The following SLC4A4 variants were observed in gnomAD, a reference collection of about 807,000 sequenced individuals.
SLC4A4 encodes solute carrier family 4 member 4.
In SLC4A4, 27 loss-of-function variants were observed where a neutral mutation model predicts 111.5. The ratio of observed to expected loss-of-function variants is 0.24; its 90% CI spans 0.18 to 0.33. The LOEUF (loss-of-function observed/expected upper bound fraction) is 0.33, where lower values mean the gene tolerates loss of function less well. Among genes scored for constraint, SLC4A4 ranks in the 10% least tolerant of loss-of-function variants. SLC4A4 has a pLI of 1.00. For synonymous variants in SLC4A4, 443 were observed against 463.4 expected (o/e 0.96, Z 0.57); for missense variants, 909 against 1,315.5 (o/e 0.69, Z 4.78).
At chr4:71,143,730 T>A (rs1405736931) in intron 2 of SLC4A4, among the ~76,000 whole-genome samples, 1 of 152,264 alleles carries the variant, frequency 6.6e-6, no homozygotes, top group Admixed American at 6.5e-5. Context: ...GTCTTTTGGC[T>A]GCATAAATGT....
At chr4:71,481,655 C>T (rs140417651) in intron 14 of SLC4A4, among the ~76,000 whole-genome samples, 267 of 151,810 alleles carry the variant, frequency 1.8e-3, no homozygotes, top group African/African-American at 6.2e-3. Flanking sequence ...TCAAGGTCAT[C>T]GCCAAGGTCT....
At chr4:71,378,092 C>T (rs1469617885) in intron 6 of SLC4A4, among the ~76,000 whole-genome samples, 1 of 152,068 alleles carries the variant, frequency 6.6e-6, no homozygotes, top group Admixed American at 6.6e-5. Context: ...ATTACCTCCC[C>T]CTGGGTACCT....
intron 8 of SLC4A4, among the ~76,000 whole-genome samples, chr4:71,443,020 T>C (rs1438711181): frequency 6.7e-6 from 1 of 150,054 alleles, no homozygotes; most frequent in Non-Finnish European, 1.5e-5. Flanking sequence ...ATGTTTATGA[T>C]TTTCCTAGTA....
At chr4:71,419,907 A>T (rs1430435613) in intron 7 of SLC4A4, among the ~76,000 whole-genome samples, 1 of 152,184 alleles carries the variant, frequency 6.6e-6, no homozygotes, top group Non-Finnish European at 1.5e-5. Flanking sequence ...GAGCAGAAAA[A>T]CTAGAACTCT....
At chr4:71,521,316 C>G (rs1732910887) in intron 16 of SLC4A4, among the ~76,000 whole-genome samples, 2 of 152,128 alleles carry the variant, frequency 1.3e-5, no homozygotes, top group South Asian at 4.1e-4. Context: ...ACTGCAGCCT[C>G]AACCACCTGG....
At chr4:71,371,670 A>G (rs1034566121) in intron 6 of SLC4A4, among the ~76,000 whole-genome samples, 3 of 151,696 alleles carry the variant, frequency 2.0e-5, no homozygotes, top group Non-Finnish European at 2.9e-5. Flanking sequence ...CATAACTCCT[A>G]TTTTCTGTGC....
At chr4:71,565,306 G>T (rs1737369505) in intron 24 of SLC4A4, among the ~76,000 whole-genome samples, 1 of 151,850 alleles carries the variant, frequency 6.6e-6, no homozygotes, top group Non-Finnish European at 1.5e-5. Flanking sequence ...TCCTCACTGA[G>T]AGATGTGATC....
intron 5 of SLC4A4, among the ~76,000 whole-genome samples, chr4:71,350,551 G>A (rs1018290838): frequency 2.0e-5 from 3 of 151,948 alleles, no homozygotes; most frequent in African/African-American, 7.3e-5. Flanking sequence ...ATGTACTTCA[G>A]ATGCATGAAA....
intron 2 of SLC4A4, among the ~76,000 whole-genome samples, chr4:71,240,230 A>T (rs1490777161): frequency 6.6e-6 from 1 of 152,214 alleles, no homozygotes; most frequent in African/African-American, 2.4e-5. Context: ...TCTGTATGAT[A>T]TAAACAGATT....
At chr4:71,555,267 C>T in intron 21 of SLC4A4, 59 bp downstream of exon 21, 1 of 1,097,320 alleles carries the variant, frequency 9.1e-7, no homozygotes, top group East Asian at 2.4e-5. Context: ...AAGAATAGTC[C>T]AGTAACAGAT....
In SLC4A4 at chr4:71,325,518, T is replaced by C. The variant is rs77440274; in HGVS notation, c.254-13852T>C. On this transcript the variant is annotated intron_variant, in intron 3 of 25. Transcript: ENST00000264485. ...CCTTGCTTCTGAGTTATTACATGTT[T>C]AATTTATTCTTAGGTAGACTCTTCC... is the stretch of plus-strand genomic sequence containing the variant. 4.0e-3 allele frequency among the ~76,000 whole-genome samples: 606 copies of C among 152,118 alleles called. 35 individuals are homozygous for C. In the East Asian group the frequency reaches 0.092, roughly 23 times the overall value.
At chr4:71,092,155 T>G (rs79132078) in intron 1 of SLC4A4, among the ~76,000 whole-genome samples, 2,132 of 152,254 alleles carry the variant, frequency 0.014, 47 homozygotes, top group African/African-American at 0.049. Flanking sequence ...TATTAAGGGA[T>G]GCAAGATAAT....
intron 1 of SLC4A4, among the ~76,000 whole-genome samples, chr4:71,216,845 A>G (rs907921538): frequency 3.3e-5 from 5 of 152,182 alleles, no homozygotes; most frequent in African/African-American, 7.2e-5. Context: ...GACTTGCGGC[A>G]TGACAATACT....
chr4:71,249,877 C>CT (rs763395092), intron 2 of SLC4A4, among the ~76,000 whole-genome samples: 35 of 97,330 alleles, frequency 3.6e-4, no homozygotes, highest in Non-Finnish European at 7.8e-4. Flanking sequence ...GAGCGAGACT[C>CT]TGTCTCAAAA....
At chr4:71,548,028 C>T (rs1244791839) in intron 20 of SLC4A4, among the ~76,000 whole-genome samples, 2 of 151,818 alleles carry the variant, frequency 1.3e-5, no homozygotes, top group Non-Finnish European at 2.9e-5. Flanking sequence ...ATCTTCTCCC[C>T]CTCCTCCACA....
At chr4:71,422,705 T>C (rs1289128010) in intron 7 of SLC4A4, among the ~76,000 whole-genome samples, 1 of 150,934 alleles carries the variant, frequency 6.6e-6, no homozygotes, top group Admixed American at 6.6e-5. Flanking sequence ...ATAAATGTAA[T>C]CCAGCATATA....
At chr4:71,358,959 GA>G (rs1439211933) in intron 6 of SLC4A4, among the ~76,000 whole-genome samples, 1 of 152,134 alleles carries the variant, frequency 6.6e-6, no homozygotes, top group Non-Finnish European at 1.5e-5. Context: ...GAAGTATAAA[GA>G]AGTGAAAAAG....
At chr4:71,493,297 T>C (rs1201217236) in intron 15 of SLC4A4, among the ~76,000 whole-genome samples, 2 of 152,062 alleles carry the variant, frequency 1.3e-5, no homozygotes, top group African/African-American at 2.4e-5. Flanking sequence ...GAAATTCAAA[T>C]GTAACTGGGC....
chr4:71,328,727 G>T (rs995933001), intron 3 of SLC4A4, among the ~76,000 whole-genome samples: 2 of 151,996 alleles, frequency 1.3e-5, no homozygotes, highest in Non-Finnish European at 2.9e-5. Flanking sequence ...TTAATTCCTT[G>T]TCAGATGGGT....
Sources: allele counts gnomAD v4.1 joint callset (sites outside exome capture counted in the v4.1 genomes callset), GRCh38; gene constraint gnomAD v4.1.1; transcripts MANE v1.5; gene names NCBI Gene and HGNC (gene_info 2026-07-23, HGNC 2026-07-21).